The following SLC4A8 variants were observed in gnomAD, a reference collection of about 807,000 sequenced individuals.
The protein encoded by SLC4A8 is solute carrier family 4 member 8.
Under a neutral mutation model 125.0 loss-of-function variants are expected in SLC4A8, and 40 were observed. The ratio of observed to expected loss-of-function variants is 0.32; its 90% CI spans 0.25 to 0.42. The LOEUF is 0.42. Ranked by LOEUF, SLC4A8 falls within the 10% of genes least tolerant of loss-of-function variation. SLC4A8 has a pLI of 1.00. For synonymous variants in SLC4A8, 456 were observed against 476.0 expected (o/e 0.96, Z 0.55); for missense variants, 863 against 1,355.1 (o/e 0.64, Z 5.70).
At chr12:51,424,051 AAAC>A (rs1565762100), upstream of SLC4A8, among the ~76,000 whole-genome samples, 149 of 44,078 alleles carry the variant, frequency 3.4e-3, 2 homozygotes, top group East Asian at 7.3e-3. Context: ...AAAAAAAAAA[AAAC>A]AAAAAAAACA....
chr12:51,430,604 T>C (rs993148880), intron 1 of SLC4A8, among the ~76,000 whole-genome samples: 22 of 152,154 alleles, frequency 1.4e-4, no homozygotes, highest in African/African-American at 5.1e-4. Flanking sequence ...AGGAGAGATG[T>C]GGGCAGACTT....
At chr12:51,505,353 A>G (rs1938121821) in intron 23 of SLC4A8, among the ~76,000 whole-genome samples, 1 of 152,230 alleles carries the variant, frequency 6.6e-6, no homozygotes, top group Non-Finnish European at 1.5e-5. Context: ...CTGCACCTTC[A>G]AAATGAGGAT....
At position 51,463,680 on chromosome 12, in the gene SLC4A8, G is replaced by A; in HGVS notation, c.1315G>A (p.Gly439Ser). 6.2e-7 allele frequency: 1 copy of A among 1,614,020 alleles called. No homozygotes were observed. Among genetic ancestry groups the A allele is most frequent in the Admixed American group, 1.7e-5 (1 of 60,028 alleles). Residue 439 changes from glycine (G) to serine (S), a missense_variant, in exon 11 of 25, where the codon GGT (glycine) becomes AGT (serine). By Grantham distance (56) the Gly-to-Ser change is moderately conservative (BLOSUM62 0). Around this residue, in one of 6 missense-constraint regions of SLC4A8, gnomAD observed 390 missense variants for 634.4 expected, o/e 0.61. Coordinates refer to ENST00000453097, the MANE Select transcript of SLC4A8 (RefSeq NM_001039960.3). ...VCHIEQEPHG[G>S]HSGPELQRTG... ...CCACATAGAACAGGAACCACATGGG[G>A]GTCACAGTGGGCCAGAACTTCAGCG... is the stretch of plus-strand genomic sequence containing the variant.
At chr12:51,399,083 C>A (rs1156428179) in intron 1 of SLC4A8, among the ~76,000 whole-genome samples, 2 of 152,120 alleles carry the variant, frequency 1.3e-5, no homozygotes, top group Admixed American at 6.5e-5. Flanking sequence ...TGAAAAATCA[C>A]AAATTTCATT....
rs1224416894 is a variant in SLC4A8 at position 51,425,035 on chromosome 12, G to A, written c.48G>A (p.Gln16=). Residue 16 remains glutamine, a splice_region_variant and synonymous_variant, in exon 1 of 25, where the codon CAG becomes CAA. Coordinates refer to ENST00000453097, the MANE Select transcript of SLC4A8 (RefSeq NM_001039960.3). The stretch of plus-strand genomic sequence containing the variant: ...AGCCGGACGGCGTCCTCAGCTATCA[G>A]GTAGGGCCCCGCCTCCCGCGCCTCC... ...SNEPDGVLSY[Q]RPDEEAVVDQ... is the part of the protein sequence containing the mutation. 6.4e-7 allele frequency: 1 copy of A among 1,555,588 alleles called. No homozygotes were observed. Among genetic ancestry groups the A allele is most frequent in the Non-Finnish European group, 8.7e-7 (1 of 1,150,270 alleles).
intron 1 of SLC4A8, among the ~76,000 whole-genome samples, chr12:51,417,386 GCCC>G (rs1948705741): frequency 6.6e-6 from 1 of 151,036 alleles, no homozygotes; most frequent in Non-Finnish European, 1.5e-5. Flanking sequence ...TTGCTCTGTT[GCCC>G]AGGTTGGAGT....
At chr12:51,445,513 A>T (rs954493993) in intron 2 of SLC4A8, among the ~76,000 whole-genome samples, 2 of 151,920 alleles carry the variant, frequency 1.3e-5, no homozygotes, top group African/African-American at 4.8e-5. Context: ...CAGCACATAG[A>T]TTCTTCATGA....
At chr12:51,425,432 T>C (rs1475691403) in intron 1 of SLC4A8, 3 of 1,019,828 alleles carry the variant, frequency 2.9e-6, no homozygotes, top group Non-Finnish European at 3.5e-6. Flanking sequence ...ACGTCTTCTC[T>C]TTGTGTTTTT....
Position 51,478,758 on chromosome 12 carries a change from T to C in SLC4A8, c.2172+3552T>C, listed in dbSNP as rs560118829. Among the ~76,000 whole-genome samples, 27 of 152,334 alleles carry C rather than the reference T, an allele frequency of 1.8e-4. No homozygotes were observed. The South Asian group carries it at 3.5e-3, about 20-fold the overall frequency. The stretch of plus-strand genomic sequence containing the variant: ...GAAGCAGAATCAACTGGGTGAAATA[T>C]AGCACAAACATTGGATTAGGATGTG... On this transcript the variant is annotated intron_variant, in intron 16 of 24. Coordinates refer to ENST00000453097, the MANE Select transcript of SLC4A8 (RefSeq NM_001039960.3).
At chr12:51,460,255 T>C (rs184834364) in intron 8 of SLC4A8, 147 bp downstream of exon 8, 3 of 735,924 alleles carry the variant, frequency 4.1e-6, no homozygotes, top group Non-Finnish European at 7.0e-6. Context: ...GATGTGCTGG[T>C]GTGTGCCTCT....
At chr12:51,470,032 T>G (rs1950645963) in intron 12 of SLC4A8, among the ~76,000 whole-genome samples, 1 of 152,144 alleles carries the variant, frequency 6.6e-6, no homozygotes, top group Admixed American at 6.5e-5. Flanking sequence ...GTTGCCTCAG[T>G]GATGGAAAAT....
At chr12:51,458,513 G>A in intron 6 of SLC4A8, 46 bp from the exon 7 acceptor site, 1 of 1,373,470 alleles carries the variant, frequency 7.3e-7, no homozygotes, top group Non-Finnish European at 1.0e-6. Flanking sequence ...TGTCAGAAGG[G>A]GAAAAGGGCA....
At chr12:51,458,476 C>T in intron 6 of SLC4A8, 83 bp from the exon 7 acceptor site, 1 of 956,320 alleles carries the variant, frequency 1.0e-6, no homozygotes, top group Non-Finnish European at 1.7e-6. Context: ...CAGGAGAAGG[C>T]AGAACCAACT....
chr12:51,441,626 CT>C (rs1023471414), intron 2 of SLC4A8, among the ~76,000 whole-genome samples: 1 of 152,180 alleles, frequency 6.6e-6, no homozygotes, highest in African/African-American at 2.4e-5. Context: ...GCTCAAAAGC[CT>C]TTGTGAAATC....
chr12:51,492,128 C>T (rs1951333847), intron 19 of SLC4A8, among the ~76,000 whole-genome samples: 1 of 151,968 alleles, frequency 6.6e-6, no homozygotes, highest in South Asian at 2.1e-4. Context: ...ATAGAGGATA[C>T]TTTGAACATT....
intron 2 of SLC4A8, among the ~76,000 whole-genome samples, chr12:51,442,487 A>G (rs7964235): frequency 1 from 152,292 of 152,324 alleles, 76,130 homozygotes; most frequent in Non-Finnish European, 1. Context: ...AACTGGTTCC[A>G]TCCACGGAGA....
At chr12:51,426,386 G>A (rs893136889) in intron 1 of SLC4A8, among the ~76,000 whole-genome samples, 5 of 152,236 alleles carry the variant, frequency 3.3e-5, no homozygotes, top group Non-Finnish European at 4.4e-5. Flanking sequence ...CTCCTGGAGC[G>A]TATCATTTAG....
intron 1 of SLC4A8, among the ~76,000 whole-genome samples, chr12:51,411,586 C>CCACA (rs145310137): frequency 1.8e-4 from 28 of 151,592 alleles, no homozygotes; most frequent in African/African-American, 6.3e-4. Context: ...TGAGACCCTG[C>CCACA]CACACACACA....
intron 1 of SLC4A8, among the ~76,000 whole-genome samples, chr12:51,436,478 AATT>A (rs1343802673): frequency 1.3e-5 from 2 of 152,030 alleles, no homozygotes; most frequent in African/African-American, 4.8e-5. Flanking sequence ...ACATTATGTA[AATT>A]ATTTACAAAA....
Sources: allele counts gnomAD v4.1 joint callset (sites outside exome capture counted in the v4.1 genomes callset), GRCh38; gene constraint gnomAD v4.1.1; regional missense constraint gnomAD v4.1.1; transcripts MANE v1.5; gene names NCBI Gene and HGNC (gene_info 2026-07-23, HGNC 2026-07-21).